Variants in DSCAM observed in about 807,000 individuals in gnomAD.
DSCAM encodes cell adhesion molecule DSCAM.
In DSCAM, 47 loss-of-function variants were observed where a neutral mutation model predicts 217.7. The ratio of observed to expected loss-of-function variants is 0.22; its 90% CI spans 0.17 to 0.28. The LOEUF (loss-of-function observed/expected upper bound fraction) is 0.28, where lower values mean the gene tolerates loss of function less well. Ranked by LOEUF, DSCAM falls within the 10% of genes least tolerant of loss-of-function variation. DSCAM has a pLI of 1.00. For synonymous variants in DSCAM, 1,056 were observed against 1,015.3 expected (o/e 1.04, Z -0.76); for missense variants, 2,080 against 2,618.3 (o/e 0.79, Z 4.49).
chr21:40,349,808 C>A (rs1038156304), intron 5 of DSCAM, among the ~76,000 whole-genome samples: 2 of 152,098 alleles, frequency 1.3e-5, no homozygotes, highest in Admixed American at 6.6e-5. Context: ...TGATGAAAAT[C>A]CTGTCTAGTC....
At chr21:40,723,460 A>G (rs1251458451) in intron 1 of DSCAM, among the ~76,000 whole-genome samples, 8 of 152,090 alleles carry the variant, frequency 5.3e-5, no homozygotes, top group Non-Finnish European at 1.2e-4. Context: ...TTCTTGCATC[A>G]CACTGTCATC....
intron 9 of DSCAM, among the ~76,000 whole-genome samples, chr21:40,308,849 A>T (rs958680018): frequency 6.6e-6 from 1 of 151,978 alleles, no homozygotes; most frequent in Admixed American, 6.6e-5. Flanking sequence ...CACTTCTTTG[A>T]CCCAAAACAT....
intron 3 of DSCAM, among the ~76,000 whole-genome samples, chr21:40,563,594 T>TAC (rs2076738615): frequency 3.7e-5 from 2 of 53,766 alleles, no homozygotes; most frequent in Admixed American, 3.9e-4. Flanking sequence ...TATATGTTTA[T>TAC]ATGTTATATA....
chr21:40,032,566 G>T (rs1815085694), intron 32 of DSCAM, among the ~76,000 whole-genome samples: 1 of 152,092 alleles, frequency 6.6e-6, no homozygotes, highest in Admixed American at 6.5e-5. Flanking sequence ...TGGGAGTGAA[G>T]ATTCATTTAC....
intron 3 of DSCAM, among the ~76,000 whole-genome samples, chr21:40,502,964 G>A (rs1296312487): frequency 6.6e-6 from 1 of 152,084 alleles, no homozygotes; most frequent in East Asian, 1.9e-4. Context: ...GGCTCCATGA[G>A]TTTGCCAGAG....
chr21:40,210,274 G>A (rs1393905237), intron 11 of DSCAM, among the ~76,000 whole-genome samples: 1 of 151,966 alleles, frequency 6.6e-6, no homozygotes, highest in East Asian at 1.9e-4. Flanking sequence ...CCCCTACAAG[G>A]GGCTCTCCCT....
intron 1 of DSCAM, among the ~76,000 whole-genome samples, chr21:40,828,604 C>T (rs895993377): frequency 6.6e-6 from 1 of 151,768 alleles, no homozygotes; most frequent in African/African-American, 2.4e-5. Context: ...CCTGTGGAAT[C>T]AGCCAAATAA....
At chr21:40,691,119 A>G (rs2090533605) in intron 3 of DSCAM, among the ~76,000 whole-genome samples, 2 of 152,222 alleles carry the variant, frequency 1.3e-5, no homozygotes, top group Non-Finnish European at 2.9e-5. Flanking sequence ...AGATATTTCA[A>G]TTTCTCACCC....
At chr21:40,780,423 G>GTGTATATATATATATATATATA (rs1007015659) in intron 1 of DSCAM, among the ~76,000 whole-genome samples, 21 of 56,418 alleles carry the variant, frequency 3.7e-4, no homozygotes, top group African/African-American at 1.4e-3. Flanking sequence ...GTGTGTGTGT[G>GTGTATATATATATATATATATA]TATATATATA....
chr21:40,444,083 T>C (rs1381911607), intron 3 of DSCAM, among the ~76,000 whole-genome samples: 1 of 152,204 alleles, frequency 6.6e-6, no homozygotes, highest in Admixed American at 6.5e-5. Flanking sequence ...CCTCCTTGTC[T>C]TTCCAGCATT....
chr21:40,223,631 A>AT (rs1205399983), intron 11 of DSCAM, among the ~76,000 whole-genome samples: 6 of 152,164 alleles, frequency 3.9e-5, no homozygotes, highest in South Asian at 2.1e-4. Context: ...ATCTAAATAG[A>AT]TTTTTTTGTC....
chr21:40,019,008 T>A (rs898253598), intron 32 of DSCAM, among the ~76,000 whole-genome samples: 5 of 152,230 alleles, frequency 3.3e-5, no homozygotes, highest in Non-Finnish European at 7.3e-5. Flanking sequence ...GTGCTGCAAA[T>A]GAGTTCTCTC....
chr21:40,013,125 G>A lies in DSCAM; in HGVS notation c.5948C>T (p.Ala1983Val). Residue 1983 changes from alanine (A) to valine (V), a missense_variant, in exon 33 of 33, where the codon GCT becomes GTT. Around this residue, in one of 5 missense-constraint regions of DSCAM, gnomAD observed 145 missense variants for 138.5 expected, o/e 1.05. Transcript: ENST00000400454. ...TGATTCTTGGGAGCTGCTCATTTTA[G>A]CTGCCTGTCCCAGCTCTGCTCCCTC... ...QREGAELGQAAKMSSSQESLL... is the reference protein window; with the variant it reads ...QREGAELGQAVKMSSSQESLL... The A allele has an allele frequency of 6.2e-7, 1 of 1,610,394 alleles. No individual in the cohort carries two copies. The highest frequency in any genetic ancestry group is 8.5e-7 in the Non-Finnish European group (1 of 1,177,716).
At chr21:40,836,299 A>T (rs2092055821) in intron 1 of DSCAM, among the ~76,000 whole-genome samples, 1 of 152,262 alleles carries the variant, frequency 6.6e-6, no homozygotes. Context: ...AATCAAGACC[A>T]TAAGCAAAGC....
At chr21:40,179,806 T>G (rs553592732) in intron 14 of DSCAM, among the ~76,000 whole-genome samples, 1 of 152,220 alleles carries the variant, frequency 6.6e-6, no homozygotes, top group Non-Finnish European at 1.5e-5. Flanking sequence ...TTGTATCTGG[T>G]GGTTTTCAGG....
At chr21:40,187,591 C>A (rs192502535) in intron 13 of DSCAM, among the ~76,000 whole-genome samples, 63 of 152,242 alleles carry the variant, frequency 4.1e-4, no homozygotes, top group Non-Finnish European at 6.8e-4. Flanking sequence ...TACATGGATT[C>A]CTAAAATTGA....
chr21:40,349,616 T>C (rs1224794329), intron 5 of DSCAM, among the ~76,000 whole-genome samples: 2 of 152,238 alleles, frequency 1.3e-5, no homozygotes, highest in East Asian at 1.9e-4. Context: ...CTCCTAATCC[T>C]GTAATTTTTG....
intron 1 of DSCAM, among the ~76,000 whole-genome samples, chr21:40,714,207 G>A (rs2090815178): frequency 6.6e-6 from 1 of 152,156 alleles, no homozygotes; most frequent in Non-Finnish European, 1.5e-5. Context: ...ACGAATTAAT[G>A]GGCCAGAGCT....
At chr21:40,495,863 A>T (rs1051059020) in intron 3 of DSCAM, among the ~76,000 whole-genome samples, 1 of 152,198 alleles carries the variant, frequency 6.6e-6, no homozygotes, top group African/African-American at 2.4e-5. Context: ...CATAAAAAGT[A>T]GTAGAATATT....
Sources: gnomAD v4.1 joint callset for allele counts (sites outside exome capture counted in the v4.1 genomes callset) on GRCh38, gnomAD v4.1.1 for gene constraint, gnomAD v4.1.1 regional missense constraint, MANE v1.5 for transcripts, NCBI Gene and HGNC (gene_info 2026-07-23, HGNC 2026-07-21) for gene names.